FARS2: variants seen among roughly 807,000 people sequenced by gnomAD.
The protein encoded by FARS2 is phenylalanyl-tRNA synthetase 2, mitochondrial.
Under a neutral mutation model 46.4 loss-of-function variants are expected in FARS2, and 40 were observed. The observed-to-expected ratio is 0.86, with a 90% confidence interval of 0.67 to 1.12. FARS2 has a LOEUF of 1.12. Among genes scored for constraint, FARS2 ranks in the 50% most tolerant of loss-of-function variants. FARS2 has a pLI of 0.00. For missense variants in FARS2, 513 were observed against 567.9 expected (o/e 0.90, Z 0.98); for synonymous variants, 234 against 214.9 (o/e 1.09, Z -0.78).
chr6:5,546,980 C>G (rs1771068927), intron 5 of FARS2, among the ~76,000 whole-genome samples: 1 of 150,232 alleles, frequency 6.7e-6, no homozygotes, highest in Non-Finnish European at 1.5e-5. Flanking sequence ...GAGACGGAGA[C>G]TTGCTCTGTT....
chr6:5,354,637 C>A (rs1053106847), intron 1 of FARS2, among the ~76,000 whole-genome samples: 2 of 152,018 alleles, frequency 1.3e-5, no homozygotes, highest in African/African-American at 4.8e-5. Flanking sequence ...CCTCAGCCTC[C>A]CGAGTAGCTG....
chr6:5,390,735 C>T (rs574349749), intron 2 of FARS2, among the ~76,000 whole-genome samples: 12 of 152,276 alleles, frequency 7.9e-5, no homozygotes, highest in African/African-American at 2.2e-4. Flanking sequence ...GCTGAGATAA[C>T]CAGTGTCAAG....
At chr6:5,271,658 G>T (rs1765961927) in intron 1 of FARS2, among the ~76,000 whole-genome samples, 1 of 151,336 alleles carries the variant, frequency 6.6e-6, no homozygotes, top group Admixed American at 6.6e-5. Flanking sequence ...CGCCTCCGGG[G>T]TTCAAGCGAT....
At chr6:5,440,464 C>T (rs73352432) in intron 4 of FARS2, among the ~76,000 whole-genome samples, 1 of 152,140 alleles carries the variant, frequency 6.6e-6, no homozygotes, top group Non-Finnish European at 1.5e-5. Flanking sequence ...ATCCATGTGT[C>T]CTGTGCACTT....
At chr6:5,338,270 T>C (rs1561967566) in intron 1 of FARS2, among the ~76,000 whole-genome samples, 1 of 152,226 alleles carries the variant, frequency 6.6e-6, no homozygotes, top group Non-Finnish European at 1.5e-5. Flanking sequence ...TCCTACTAAC[T>C]AACTTGCTCT....
At position 5,377,499 on chromosome 6, in the gene FARS2, G is replaced by C. The variant is rs370693521; in HGVS notation, c.612+8317G>C. Among the ~76,000 whole-genome samples, 39 of 152,096 alleles carry C rather than the reference G, an allele frequency of 2.6e-4. No individual in the cohort carries two copies. The East Asian group carries it at 5.4e-3, about 21-fold the overall frequency. On this transcript the variant is annotated intron_variant, in intron 2 of 6. Transcript: ENST00000274680. The stretch of plus-strand genomic sequence containing the variant: ...CTGAATTTAAGACGATTCATAATGA[G>C]CCTTCTTTTCTTCCAGATTCTGTCT...
At chr6:5,599,003 G>T (rs554012728) in intron 5 of FARS2, among the ~76,000 whole-genome samples, 1 of 152,304 alleles carries the variant, frequency 6.6e-6, no homozygotes, top group East Asian at 1.9e-4. Context: ...AAGTGACTTC[G>T]CTAGCTGGGC....
intron 4 of FARS2, among the ~76,000 whole-genome samples, chr6:5,466,352 C>T (rs1040795302): frequency 4.6e-5 from 7 of 152,146 alleles, no homozygotes; most frequent in African/African-American, 7.2e-5. Context: ...TACCTCTCTC[C>T]GGTGCCATTG....
intron 6 of FARS2, among the ~76,000 whole-genome samples, chr6:5,728,323 A>C (rs1246237408): frequency 2.0e-5 from 3 of 152,182 alleles, no homozygotes; most frequent in Non-Finnish European, 4.4e-5. Context: ...GCTTTCACTC[A>C]GTGACATTTG....
intron 1 of FARS2, among the ~76,000 whole-genome samples, chr6:5,332,721 T>C (rs1463574226): frequency 1.3e-5 from 2 of 152,248 alleles, no homozygotes; most frequent in African/African-American, 4.8e-5. Flanking sequence ...AAGGGCAATG[T>C]TATGTGGTTT....
In FARS2 at chr6:5,343,212, A is replaced by G. The variant is rs75676170; in HGVS notation, c.-21-25338A>G. ...ACAAAACTGTACATTTCATTTATTT[A>G]TCTATTTATTTATTTAGAGATGGAA... On this transcript the variant is annotated intron_variant, in intron 1 of 6. Coordinates refer to ENST00000274680, the MANE Select transcript of FARS2 (RefSeq NM_006567.5). This position sits in a 1 kb window ranked among gnomAD's most constrained non-coding sequence, Gnocchi z 4.5. Among the ~76,000 whole-genome samples, 112 of 152,158 alleles carry G rather than the reference A, an allele frequency of 7.4e-4. 1 individual carries two copies. In the East Asian group the frequency reaches 0.019, roughly 26 times the overall value.
At chr6:5,472,150 C>G (rs1765840390) in intron 4 of FARS2, among the ~76,000 whole-genome samples, 1 of 152,184 alleles carries the variant, frequency 6.6e-6, no homozygotes, top group African/African-American at 2.4e-5. Context: ...AATGACGACG[C>G]ATGACTAATA....
At chr6:5,290,689 A>C (rs1259504200) in intron 1 of FARS2, among the ~76,000 whole-genome samples, 1 of 152,146 alleles carries the variant, frequency 6.6e-6, no homozygotes, top group Non-Finnish European at 1.5e-5. Flanking sequence ...GGGTGGCTTT[A>C]AATAATTCTA....
chr6:5,308,575 C>T (rs756975951), intron 1 of FARS2, among the ~76,000 whole-genome samples: 20 of 152,188 alleles, frequency 1.3e-4, no homozygotes, highest in Non-Finnish European at 2.4e-4. Context: ...AATGTGACAG[C>T]AATGTCAAAT....
At chr6:5,500,809 G>C (rs574785001) in intron 4 of FARS2, among the ~76,000 whole-genome samples, 4 of 152,080 alleles carry the variant, frequency 2.6e-5, no homozygotes, top group Non-Finnish European at 5.9e-5. Flanking sequence ...AGAGTTGAAA[G>C]GATAAAGGAT....
intron 6 of FARS2, among the ~76,000 whole-genome samples, chr6:5,679,416 C>T (rs1481232216): frequency 6.6e-6 from 1 of 152,094 alleles, no homozygotes; most frequent in Non-Finnish European, 1.5e-5. Context: ...ACTGGCCTGC[C>T]CTGTTGAGTG....
chr6:5,447,040 C>A (rs1247991175), intron 4 of FARS2, among the ~76,000 whole-genome samples: 4 of 152,126 alleles, frequency 2.6e-5, no homozygotes, highest in African/African-American at 9.7e-5. Context: ...AAATCGAAGA[C>A]CTTACATCTC....
At chr6:5,538,564 A>G (rs1770364465) in intron 4 of FARS2, among the ~76,000 whole-genome samples, 1 of 152,138 alleles carries the variant, frequency 6.6e-6, no homozygotes, top group Non-Finnish European at 1.5e-5. Flanking sequence ...TCCAGTTGTC[A>G]AGAAAAGGAA....
intron 6 of FARS2, among the ~76,000 whole-genome samples, chr6:5,640,130 C>CT (rs1414539086): frequency 7.3e-6 from 1 of 136,684 alleles, no homozygotes; most frequent in East Asian, 2.3e-4. Flanking sequence ...TTTGAGGGAA[C>CT]TTTTGTCAGG....
Sources: allele counts gnomAD v4.1 joint callset (sites outside exome capture counted in the v4.1 genomes callset), GRCh38; gene constraint gnomAD v4.1.1; non-coding constraint Gnocchi (gnomAD v3.1); transcripts MANE v1.5; gene names NCBI Gene and HGNC (gene_info 2026-07-23, HGNC 2026-07-21).